Variants in LAMA2 observed in about 807,000 individuals in gnomAD.
LAMA2 encodes laminin subunit alpha-2.
LAMA2 carries 269 observed loss-of-function variants against 364.8 expected under a neutral mutation model. The ratio of observed to expected loss-of-function variants is 0.74; its 90% CI spans 0.67 to 0.82. The LOEUF (loss-of-function observed/expected upper bound fraction) is 0.82, where lower values mean the gene tolerates loss of function less well. Among genes scored for constraint, LAMA2 ranks in the 40% least tolerant of loss-of-function variants. The pLI, the probability that LAMA2 is intolerant of heterozygous loss-of-function variation, is 0.00. For missense variants in LAMA2, 3,807 were observed against 3,873.2 expected, an observed-to-expected ratio of 0.98 and a Z score of 0.45; for synonymous variants, 1,379 against 1,370.6, an observed-to-expected ratio of 1.01 and a Z score of -0.14.
chr6:129,370,060 G>A (rs758930474), intron 34 of LAMA2, 70 bp downstream of exon 34: 36 of 1,248,484 alleles, frequency 2.9e-5, no homozygotes, highest in Non-Finnish European at 3.9e-5. Flanking sequence ...TTACTTCAAA[G>A]TTCTGAAATG....
chr6:129,434,203 A>G (rs1781732418), intron 41 of LAMA2, among the ~76,000 whole-genome samples: 1 of 152,144 alleles, frequency 6.6e-6, no homozygotes, highest in South Asian at 2.1e-4. Context: ...CTGCCCTGCG[A>G]TTTTTATTCT....
At chr6:128,884,607 C>T (rs1055125067) in intron 1 of LAMA2, among the ~76,000 whole-genome samples, 1 of 152,180 alleles carries the variant, frequency 6.6e-6, no homozygotes, top group Non-Finnish European at 1.5e-5. Context: ...TAAAAATGAC[C>T]TTGCATTCAC....
intron 63 of LAMA2, among the ~76,000 whole-genome samples, chr6:129,512,759 C>T (rs890343549): frequency 4.6e-5 from 7 of 152,238 alleles, no homozygotes; most frequent in South Asian, 2.1e-4. Flanking sequence ...TTTGAGATCT[C>T]GAGTTCTTAC....
intron 41 of LAMA2, among the ~76,000 whole-genome samples, chr6:129,431,936 T>C (rs1781617555): frequency 6.6e-6 from 1 of 152,208 alleles, no homozygotes; most frequent in South Asian, 2.1e-4. Flanking sequence ...ATTTTAAAAA[T>C]AAGAGAATAA....
intron 1 of LAMA2, among the ~76,000 whole-genome samples, chr6:128,939,987 A>C (rs765778640): frequency 1.3e-4 from 20 of 152,282 alleles, no homozygotes; most frequent in Non-Finnish European, 2.5e-4. Context: ...ATGTGATGCA[A>C]AAGTTTACAG....
intron 56 of LAMA2, among the ~76,000 whole-genome samples, chr6:129,491,239 G>A (rs1042217484): frequency 6.6e-6 from 1 of 152,150 alleles, no homozygotes; most frequent in East Asian, 1.9e-4. Context: ...GTCTCCTTCT[G>A]ATTCTTGGCC....
chr6:128,891,553 A>C (rs1776452101), intron 1 of LAMA2, among the ~76,000 whole-genome samples: 1 of 152,026 alleles, frequency 6.6e-6, no homozygotes, highest in Non-Finnish European at 1.5e-5. Context: ...AAAACACTGA[A>C]TATAAAACAT....
At chr6:128,897,280 G>T (rs541193030) in intron 1 of LAMA2, among the ~76,000 whole-genome samples, 5 of 151,784 alleles carry the variant, frequency 3.3e-5, no homozygotes, top group African/African-American at 1.2e-4. Flanking sequence ...AACAATATTT[G>T]CCATTTAGAT....
chr6:129,098,611 A>G (rs1775326815), intron 4 of LAMA2, among the ~76,000 whole-genome samples, 196 bp downstream of exon 4: 1 of 152,218 alleles, frequency 6.6e-6, no homozygotes, highest in African/African-American at 2.4e-5. Context: ...TGTGTCTCCC[A>G]TCTCCAGTAA....
intron 20 of LAMA2, chr6:129,292,750 TA>T (rs1789801939): frequency 1.1e-6 from 1 of 951,222 alleles, no homozygotes; most frequent in Non-Finnish European, 1.3e-6. Context: ...GTCTCTTGAA[TA>T]ATATCATTGC....
At chr6:129,373,510 G>A (rs1209024053) in intron 34 of LAMA2, among the ~76,000 whole-genome samples, 2 of 151,954 alleles carry the variant, frequency 1.3e-5, no homozygotes, top group Non-Finnish European at 2.9e-5. Flanking sequence ...TAATAATATT[G>A]AAATATTACC....
At chr6:128,985,723 C>T (rs1340431677) in intron 1 of LAMA2, among the ~76,000 whole-genome samples, 1 of 151,946 alleles carries the variant, frequency 6.6e-6, no homozygotes, top group Non-Finnish European at 1.5e-5. Flanking sequence ...TCCTTTCCCA[C>T]TGGAATATTT....
At chr6:129,039,004 G>C (rs1373459470) in intron 1 of LAMA2, among the ~76,000 whole-genome samples, 1 of 152,146 alleles carries the variant, frequency 6.6e-6, no homozygotes, top group Non-Finnish European at 1.5e-5. Context: ...TTTTTCTCAA[G>C]AAAGATTATA....
chr6:129,112,589 G>C (rs999290885), intron 4 of LAMA2, among the ~76,000 whole-genome samples: 1 of 151,922 alleles, frequency 6.6e-6, no homozygotes, highest in Non-Finnish European at 1.5e-5. Flanking sequence ...TAAATATTGA[G>C]CACTGTCTTT....
intron 33 of LAMA2, 82 bp from the exon 34 acceptor site, chr6:129,369,810 T>C: frequency 8.3e-7 from 1 of 1,199,338 alleles, no homozygotes; most frequent in South Asian, 1.2e-5. Flanking sequence ...AAGTTCCTTT[T>C]ATATACAAAA....
intron 40 of LAMA2, among the ~76,000 whole-genome samples, chr6:129,413,485 C>T (rs189322353): frequency 3.9e-5 from 6 of 152,062 alleles, no homozygotes; most frequent in Non-Finnish European, 8.8e-5. Context: ...ATGCCCCATT[C>T]GATGAAGTAA....
intron 3 of LAMA2, among the ~76,000 whole-genome samples, chr6:129,081,074 A>T (rs914709373): frequency 2.6e-5 from 4 of 152,210 alleles, no homozygotes; most frequent in Non-Finnish European, 4.4e-5. Flanking sequence ...TAAAAAATGA[A>T]GAGTTCATGT....
intron 28 of LAMA2, among the ~76,000 whole-genome samples, chr6:129,324,962 G>A (rs1026836457): frequency 6.6e-6 from 1 of 152,006 alleles, no homozygotes; most frequent in East Asian, 1.9e-4. Flanking sequence ...ATTAAACTCG[G>A]GTCTGCCTGA....
At chr6:129,163,150 T>C (rs1168464424) in intron 8 of LAMA2, among the ~76,000 whole-genome samples, 1 of 152,154 alleles carries the variant, frequency 6.6e-6, no homozygotes, top group East Asian at 1.9e-4. Context: ...AAAACCTGTT[T>C]TTTGACCAGT....
Sources: allele counts gnomAD v4.1 joint callset (sites outside exome capture counted in the v4.1 genomes callset), GRCh38; gene constraint gnomAD v4.1.1; transcripts MANE v1.5; gene names NCBI Gene and HGNC (gene_info 2026-07-23, HGNC 2026-07-21).